Variants in SLC38A1 observed in about 807,000 individuals in gnomAD.
The protein encoded by SLC38A1 is sodium-coupled neutral amino acid symporter 1.
In SLC38A1, 18 loss-of-function variants were observed where a neutral mutation model predicts 60.3. The observed-to-expected ratio is 0.30, with a 90% confidence interval of 0.21 to 0.44. The LOEUF (loss-of-function observed/expected upper bound fraction) is 0.44. Ranked by LOEUF, SLC38A1 falls within the 20% of genes least tolerant of loss-of-function variation. The pLI is 1.00. For synonymous variants in SLC38A1, 196 were observed against 212.1 expected, an observed-to-expected ratio of 0.92 and a Z score of 0.66; for missense variants, 448 against 587.2, an observed-to-expected ratio of 0.76 and a Z score of 2.45.
intron 2 of SLC38A1, among the ~76,000 whole-genome samples, chr12:46,240,219 G>A (rs1941399952): frequency 1.3e-5 from 2 of 152,140 alleles, no homozygotes; most frequent in Admixed American, 1.3e-4. Context: ...TCTTTGAGAT[G>A]GAGTCTCGCT....
rs1008761433 is a variant in SLC38A1 at position 46,183,762 on chromosome 12, C to T, written c.*5208G>A. Reference sequence around the variant, plus strand: ...GTTAAATAATTGATCTTAATGCCAGCATAAGAAATCAAGGGAACTATTTCT... The same window carrying T: ...GTTAAATAATTGATCTTAATGCCAGTATAAGAAATCAAGGGAACTATTTCT... On this transcript the variant is annotated 3_prime_UTR_variant, in exon 17 of 17. Transcript: ENST00000398637. 2 of 152,128 alleles carry T rather than the reference C, an allele frequency of 1.3e-5. No homozygotes were observed. Among genetic ancestry groups the T allele is most frequent in the South Asian group, 4.1e-4 (2 of 4,820 alleles). The allele number at this position is 152,128 out of a possible 1,614,324, so 9.4% of individuals were successfully genotyped here.
chr12:46,229,961 A>T (rs1187546023), intron 3 of SLC38A1, among the ~76,000 whole-genome samples: 1 of 152,252 alleles, frequency 6.6e-6, no homozygotes, highest in East Asian at 1.9e-4. Flanking sequence ...AATGAAAGAC[A>T]ACCGTAAGTC....
intron 5 of SLC38A1, among the ~76,000 whole-genome samples, chr12:46,217,222 G>A (rs1448952891): frequency 6.6e-6 from 1 of 152,094 alleles, no homozygotes; most frequent in East Asian, 1.9e-4. Context: ...TAAGTATTTT[G>A]TCTAAGGTCA....
intron 1 of SLC38A1, among the ~76,000 whole-genome samples, chr12:46,245,825 C>A (rs149711748): frequency 1.3e-5 from 2 of 152,156 alleles, no homozygotes; most frequent in South Asian, 4.1e-4. Context: ...CTACCACCCC[C>A]AAATGGGCCA....
intron 1 of SLC38A1, among the ~76,000 whole-genome samples, chr12:46,247,991 A>AT (rs1941681805): frequency 1.3e-5 from 2 of 152,214 alleles, no homozygotes; most frequent in South Asian, 4.1e-4. Flanking sequence ...ATGCTGAGAG[A>AT]TTTTGTCACC....
intron 1 of SLC38A1, among the ~76,000 whole-genome samples, chr12:46,261,500 GA>G (rs1349265123): frequency 6.6e-6 from 1 of 152,116 alleles, no homozygotes; most frequent in Non-Finnish European, 1.5e-5. Context: ...AATTTAAAAA[GA>G]AAGCTATGAT....
In SLC38A1 at chr12:46,246,770, C is replaced by T. The variant is rs551101118; in HGVS notation, c.-208-3456G>A. Among the ~76,000 whole-genome samples, 9 of 152,272 alleles carry T rather than the reference C, an allele frequency of 5.9e-5. No homozygotes were observed. The South Asian group carries it at 1.9e-3, about 32-fold the overall frequency. ...ACCTCCTAGTAGGGGCTGACTGACA[C>T]CTCATACAAGCAGGAGCCCCTCTTG... On this transcript the variant is annotated intron_variant, in intron 1 of 16. Coordinates refer to ENST00000398637, the MANE Select transcript of SLC38A1 (RefSeq NM_030674.4).
chr12:46,258,392 A>C (rs539051165), intron 1 of SLC38A1, among the ~76,000 whole-genome samples: 1 of 152,198 alleles, frequency 6.6e-6, no homozygotes, highest in African/African-American at 2.4e-5. Flanking sequence ...GAATATTTGC[A>C]TACATATTAT....
chr12:46,203,263 G>C (rs187373201), intron 11 of SLC38A1, among the ~76,000 whole-genome samples, 174 bp from the exon 12 acceptor site: 1 of 152,172 alleles, frequency 6.6e-6, no homozygotes, highest in Non-Finnish European at 1.5e-5. Context: ...AAGACAGCTT[G>C]TCTAGCTCGA....
intron 1 of SLC38A1, among the ~76,000 whole-genome samples, chr12:46,258,866 CT>C (rs1275876054): frequency 6.6e-6 from 1 of 152,204 alleles, no homozygotes; most frequent in Non-Finnish European, 1.5e-5. Context: ...GTTGGCCAGG[CT>C]GGTCTTGAAC....
chr12:46,186,666 TCA>T lies in SLC38A1; in HGVS notation c.*2302_*2303del, dbSNP rs1041499992. On this transcript the variant is annotated 3_prime_UTR_variant, in exon 17 of 17. Transcript: ENST00000398637. ...AAGGTTTTTAAAAATATGGGTGGTGTCACACAGATCAACAACACTGTGCCTCC... is the reference window on the plus strand; with the variant it reads ...AAGGTTTTTAAAAATATGGGTGGTGTCACAGATCAACAACACTGTGCCTCC... 6.6e-6 allele frequency: 1 copy of T among 152,166 alleles called. No individual in the cohort carries two copies. Among genetic ancestry groups the T allele is most frequent in the Non-Finnish European group, 1.5e-5 (1 of 68,032 alleles). 9.4% of individuals were successfully genotyped at this position (152,166 alleles called of 1,614,324 possible).
intron 6 of SLC38A1, among the ~76,000 whole-genome samples, chr12:46,207,983 T>C (rs868045286): frequency 6.6e-6 from 1 of 152,206 alleles, no homozygotes; most frequent in Non-Finnish European, 1.5e-5. Context: ...ATATTTGATT[T>C]AAAAAGATCC....
At chr12:46,252,554 T>C (rs1941887352) in intron 1 of SLC38A1, among the ~76,000 whole-genome samples, 3 of 151,778 alleles carry the variant, frequency 2.0e-5, no homozygotes, top group Non-Finnish European at 2.9e-5. Flanking sequence ...TTAATTTATT[T>C]AAAAATAATT....
chr12:46,196,037 T>C (rs570845305), intron 16 of SLC38A1: 1 of 1,033,450 alleles, frequency 9.7e-7, no homozygotes, highest in South Asian at 1.4e-5. Context: ...TCTACATCGA[T>C]CTTGCTGGGA....
intron 5 of SLC38A1, among the ~76,000 whole-genome samples, chr12:46,209,940 G>GA (rs1317585135): frequency 6.6e-6 from 1 of 151,808 alleles, no homozygotes; most frequent in Non-Finnish European, 1.5e-5. Flanking sequence ...TAAAAAAGAA[G>GA]AAAAAAAATC....
intron 8 of SLC38A1, 87 bp from the exon 9 acceptor site, chr12:46,206,249 T>C (rs1438999862): frequency 4.5e-6 from 3 of 671,146 alleles, no homozygotes; most frequent in Non-Finnish European, 7.4e-6. Flanking sequence ...TATCATGATA[T>C]ATATTTTTAT....
intron 1 of SLC38A1, among the ~76,000 whole-genome samples, chr12:46,246,181 G>A (rs1204900337): frequency 2.0e-5 from 3 of 152,198 alleles, no homozygotes; most frequent in Non-Finnish European, 4.4e-5. Context: ...CCCACAGAGG[G>A]TGAGGCGAAG....
intron 5 of SLC38A1, among the ~76,000 whole-genome samples, chr12:46,218,448 T>C (rs1940510879): frequency 1.3e-5 from 2 of 152,160 alleles, no homozygotes; most frequent in African/African-American, 2.4e-5. Context: ...TTCATTCATA[T>C]TTTCCCATTC....
chr12:46,195,239 A>T (rs1592062406), intron 16 of SLC38A1, among the ~76,000 whole-genome samples: 1 of 151,254 alleles, frequency 6.6e-6, no homozygotes, highest in East Asian at 1.9e-4. Flanking sequence ...CCACTCCAGA[A>T]TCTGTTTGCC....
Sources: allele counts gnomAD v4.1 joint callset (sites outside exome capture counted in the v4.1 genomes callset), GRCh38; gene constraint gnomAD v4.1.1; transcripts MANE v1.5; gene names NCBI Gene and HGNC (gene_info 2026-07-23, HGNC 2026-07-21).